Variants in MDGA2 observed in about 807,000 individuals in gnomAD.
MDGA2 encodes MAM domain-containing glycosylphosphatidylinositol anchor protein 2.
In MDGA2, 40 loss-of-function variants were observed where a neutral mutation model predicts 117.8. The observed-to-expected ratio is 0.34, with a 90% CI of 0.26 to 0.44. The LOEUF is 0.44. MDGA2 is among the 20% of genes least tolerant of loss of function. The pLI, the probability that MDGA2 is intolerant of heterozygous loss-of-function variation, is 1.00. For synonymous variants in MDGA2, 452 were observed against 439.0 expected, an observed-to-expected ratio of 1.03 and a Z score of -0.37; for missense variants, 1,123 against 1,250.6, an observed-to-expected ratio of 0.90 and a Z score of 1.54.
intron 1 of MDGA2, among the ~76,000 whole-genome samples, chr14:47,550,607 G>T (rs935042813): frequency 4.0e-5 from 6 of 151,828 alleles, no homozygotes; most frequent in Non-Finnish European, 8.8e-5. Flanking sequence ...TGTTATGTAA[G>T]TTAATACATG....
At chr14:46,947,629 C>G (rs537479021) in intron 9 of MDGA2, among the ~76,000 whole-genome samples, 1 of 152,106 alleles carries the variant, frequency 6.6e-6, no homozygotes, top group Admixed American at 6.6e-5. Context: ...TTCCCCTGCA[C>G]AAGCTCCCTC....
At chr14:47,318,142 A>C (rs1301439289) in intron 1 of MDGA2, among the ~76,000 whole-genome samples, 1 of 152,104 alleles carries the variant, frequency 6.6e-6, no homozygotes, top group African/African-American at 2.4e-5. Flanking sequence ...TATCCCATTG[A>C]ATCTCCAGGG....
At chr14:47,215,726 T>A (rs1958091) in intron 3 of MDGA2, among the ~76,000 whole-genome samples, 73,986 of 151,964 alleles carry the variant, frequency 0.49, 18,926 homozygotes, top group Admixed American at 0.64. Flanking sequence ...AGAGATGTCA[T>A]GTTTATTTAT....
At chr14:47,252,154 G>A (rs928462695) in intron 2 of MDGA2, among the ~76,000 whole-genome samples, 6 of 151,876 alleles carry the variant, frequency 4.0e-5, no homozygotes, top group Admixed American at 3.9e-4. Flanking sequence ...TACAGCTAAA[G>A]GGAAAGTGGA....
At chr14:47,618,444 T>C (rs1439442219) in intron 1 of MDGA2, among the ~76,000 whole-genome samples, 1 of 152,200 alleles carries the variant, frequency 6.6e-6, no homozygotes, top group Non-Finnish European at 1.5e-5. Context: ...GATGTCTATC[T>C]GGATGTTTCA....
At chr14:47,082,054 T>C (rs879509880) in intron 6 of MDGA2, among the ~76,000 whole-genome samples, 4 of 152,136 alleles carry the variant, frequency 2.6e-5, no homozygotes, top group Admixed American at 2.0e-4. Flanking sequence ...TACTCAGTTA[T>C]GTTTTATTTT....
intron 10 of MDGA2, among the ~76,000 whole-genome samples, chr14:46,905,791 C>G (rs1883468124): frequency 6.6e-6 from 1 of 151,588 alleles, no homozygotes; most frequent in Non-Finnish European, 1.5e-5. Flanking sequence ...ATAACTGAAA[C>G]AAAACAAAAC....
At chr14:47,080,013 G>A (rs2138884350) in intron 6 of MDGA2, among the ~76,000 whole-genome samples, 1 of 152,266 alleles carries the variant, frequency 6.6e-6, no homozygotes, top group Admixed American at 6.5e-5. Flanking sequence ...TTACAGGCGT[G>A]AGCCACCGTG....
At chr14:47,629,225 C>A (rs1371705853) in intron 1 of MDGA2, among the ~76,000 whole-genome samples, 1 of 152,124 alleles carries the variant, frequency 6.6e-6, no homozygotes, top group Non-Finnish European at 1.5e-5. Context: ...GATGTACATG[C>A]TATTATTAAA....
chr14:47,450,953 C>G (rs1436265858), intron 1 of MDGA2, among the ~76,000 whole-genome samples: 1 of 152,114 alleles, frequency 6.6e-6, no homozygotes, highest in Non-Finnish European at 1.5e-5. Context: ...CTCTCAACTT[C>G]TTCTATTCTC....
chr14:47,107,507 A>AC (rs1880777412), intron 5 of MDGA2, among the ~76,000 whole-genome samples: 2 of 142,406 alleles, frequency 1.4e-5, no homozygotes, highest in Admixed American at 1.4e-4. Context: ...ACTGACCCTG[A>AC]CATCCATCAA....
At chr14:47,542,483 A>G (rs1484057730) in intron 1 of MDGA2, among the ~76,000 whole-genome samples, 3 of 152,224 alleles carry the variant, frequency 2.0e-5, no homozygotes, top group Non-Finnish European at 2.9e-5. Context: ...GGTACACAAT[A>G]TAAGTCAGAG....
At chr14:47,053,187 A>C (rs1368088090) in intron 7 of MDGA2, among the ~76,000 whole-genome samples, 1 of 151,866 alleles carries the variant, frequency 6.6e-6, no homozygotes, top group Non-Finnish European at 1.5e-5. Context: ...TTGATCAGTC[A>C]TTCTCATTTG....
intron 3 of MDGA2, among the ~76,000 whole-genome samples, chr14:47,171,497 T>A (rs564350072): frequency 6.6e-6 from 1 of 152,204 alleles, no homozygotes; most frequent in Admixed American, 6.5e-5. Flanking sequence ...TTTCTAGGAT[T>A]CTTCTCAATT....
chr14:47,403,955 A>G (rs1438042261), intron 1 of MDGA2, among the ~76,000 whole-genome samples: 1 of 152,014 alleles, frequency 6.6e-6, no homozygotes, highest in Non-Finnish European at 1.5e-5. Flanking sequence ...GATAGAACAT[A>G]CCCTTGTCTC....
chr14:47,311,290 C>A (rs148952241), intron 1 of MDGA2, among the ~76,000 whole-genome samples: 47 of 152,242 alleles, frequency 3.1e-4, no homozygotes, highest in African/African-American at 1.1e-3. Flanking sequence ...GTTATTTCTT[C>A]CAGCCTAACT....
At chr14:47,073,004 C>CAG (rs1214080692) in intron 6 of MDGA2, among the ~76,000 whole-genome samples, 5 of 152,148 alleles carry the variant, frequency 3.3e-5, no homozygotes, top group African/African-American at 1.2e-4. Context: ...TAACATGGAA[C>CAG]TACTTCCTTT....
intron 1 of MDGA2, among the ~76,000 whole-genome samples, chr14:47,656,582 T>C (rs1897748295): frequency 6.6e-6 from 1 of 152,192 alleles, no homozygotes; most frequent in Admixed American, 6.5e-5. Flanking sequence ...TAGCTGATTG[T>C]TGGCTGGACG....
chr14:47,495,362 A>T (rs1484901989), intron 1 of MDGA2, among the ~76,000 whole-genome samples: 1 of 152,112 alleles, frequency 6.6e-6, no homozygotes, highest in African/African-American at 2.4e-5. Flanking sequence ...TTTTACCATT[A>T]CACAATACAT....
Sources: allele counts gnomAD v4.1 joint callset (sites outside exome capture counted in the v4.1 genomes callset), GRCh38; gene constraint gnomAD v4.1.1; transcripts MANE v1.5; gene names NCBI Gene and HGNC (gene_info 2026-07-23, HGNC 2026-07-21).